The following AGO3 variants were observed in gnomAD, a reference collection of about 807,000 sequenced individuals.
AGO3 encodes the protein argonaute RISC catalytic component 3, also known as protein argonaute-3.
Under a neutral mutation model 105.5 loss-of-function variants are expected in AGO3, and 16 were observed. That is an observed-to-expected ratio of 0.15 (90% CI 0.10 to 0.23). The LOEUF is 0.23. AGO3 is among the 10% of genes least tolerant of loss of function. The pLI is 1.00. For missense variants in AGO3, 534 were observed against 1,088.0 expected (o/e 0.49, Z 7.16); for synonymous variants, 340 against 367.3 (o/e 0.93, Z 0.85).
At chr1:36,016,318 A>T (rs570346123) in intron 11 of AGO3, among the ~76,000 whole-genome samples, 31 of 152,092 alleles carry the variant, frequency 2.0e-4, no homozygotes, top group Non-Finnish European at 3.8e-4. Flanking sequence ...AGTATCTGGG[A>T]CTACAGGCCT....
chr1:35,975,542 T>G (rs1192121237), intron 5 of AGO3, among the ~76,000 whole-genome samples: 1 of 152,182 alleles, frequency 6.6e-6, no homozygotes, highest in East Asian at 1.9e-4. Context: ...TGTGATGTTT[T>G]TTTTGTTGTT....
At chr1:36,054,686 G>A (rs981500989) in intron 17 of AGO3, among the ~76,000 whole-genome samples, 4 of 152,144 alleles carry the variant, frequency 2.6e-5, no homozygotes, top group Non-Finnish European at 2.9e-5. Flanking sequence ...TTTGAGACCA[G>A]CCTGACCAAC....
At chr1:36,006,876 T>C (rs934035601) in intron 6 of AGO3, among the ~76,000 whole-genome samples, 3 of 152,246 alleles carry the variant, frequency 2.0e-5, no homozygotes, top group African/African-American at 7.2e-5. Flanking sequence ...ATATCATTTA[T>C]ATGATTGAGC....
rs993705154 is a variant in AGO3 at position 36,066,828 on chromosome 1, G to A, written c.*11083G>A. 2.0e-5 allele frequency: 3 copies of A among 152,164 alleles called. No homozygotes were observed. Among genetic ancestry groups the A allele is most frequent in the Admixed American group, 1.3e-4 (2 of 15,278 alleles). The allele number at this position is 152,164 out of a possible 1,614,324, so 9.4% of individuals were successfully genotyped here. On this transcript the variant is annotated 3_prime_UTR_variant, in exon 19 of 19. Coordinates refer to ENST00000373191, the MANE Select transcript of AGO3 (RefSeq NM_024852.4). ...GAATATATAGTGAGGGGGGATTTAGGATAAGGCTTCCTTGCTGGGATCCTT... is the reference window on the plus strand; with the variant it reads ...GAATATATAGTGAGGGGGGATTTAGAATAAGGCTTCCTTGCTGGGATCCTT...
chr1:35,946,274 G>T (rs549958593), intron 2 of AGO3, among the ~76,000 whole-genome samples: 1 of 152,028 alleles, frequency 6.6e-6, no homozygotes, highest in Non-Finnish European at 1.5e-5. Flanking sequence ...AGAAATACTG[G>T]TTTCATGCTT....
rs927122339 is a variant in AGO3, at chr1:36,039,515, A to G, written c.1843-275A>G. Among the ~76,000 whole-genome samples, 1,098 of 142,782 alleles carry G rather than the reference A, an allele frequency of 7.7e-3. 5 individuals carry two copies. The highest frequency in any genetic ancestry group is 0.012 in the Non-Finnish European group (780 of 66,796). The allele number at this position is 142,782 out of a possible 152,430, so 93.7% of individuals were successfully genotyped here. On this transcript the variant is annotated intron_variant, in intron 14 of 18. Transcript: ENST00000373191. ...CTCAAAAAAAAAAAAAAAAAAAAAA[A>G]AGAGAGAAAGAGAGAGAGATGGGGT...
At chr1:35,970,852 C>T (rs922566218) in intron 3 of AGO3, among the ~76,000 whole-genome samples, 1 of 151,484 alleles carries the variant, frequency 6.6e-6, no homozygotes, top group African/African-American at 2.4e-5. Flanking sequence ...GCCTCAGCCT[C>T]TCAAGCAGCT....
chr1:35,946,201 CT>C (rs1646361834), intron 2 of AGO3, among the ~76,000 whole-genome samples: 2 of 152,284 alleles, frequency 1.3e-5, no homozygotes, highest in South Asian at 4.1e-4. Context: ...CCTCACCTCT[CT>C]TATGTACCAC....
At chr1:35,977,622 G>A (rs1464558606) in intron 5 of AGO3, among the ~76,000 whole-genome samples, 1 of 151,912 alleles carries the variant, frequency 6.6e-6, no homozygotes, top group Non-Finnish European at 1.5e-5. Flanking sequence ...CAAACTCCTG[G>A]TCTCAAGAGA....
chr1:36,044,656 G>A (rs1393116927), intron 17 of AGO3, among the ~76,000 whole-genome samples: 1 of 152,014 alleles, frequency 6.6e-6, no homozygotes, highest in African/African-American at 2.4e-5. Context: ...TGGCCAGGCT[G>A]GTCTCAAACT....
intron 1 of AGO3, among the ~76,000 whole-genome samples, chr1:35,933,640 CAAAA>C (rs34254758): frequency 0.092 from 2,790 of 30,380 alleles, 8 homozygotes; most frequent in Non-Finnish European, 0.15. Context: ...GACCCTGTCT[CAAAA>C]AAAAAAAAAA....
In AGO3 at chr1:36,065,097, G is replaced by A. The variant is rs1018840419; in HGVS notation, c.*9352G>A. 3 of 151,654 alleles carry A rather than the reference G, an allele frequency of 2.0e-5. No individual in the cohort carries two copies. The highest frequency in any genetic ancestry group is 7.3e-5 in the African/African-American group (3 of 41,052). The allele number at this position is 151,654 out of a possible 1,614,324, so 9.4% of individuals were successfully genotyped here. ...CAGGAGAATGGCTTGAACCCAGGAG[G>A]CGGAGGTTGCAGTGAGCCAAGATCA... On this transcript the variant is annotated 3_prime_UTR_variant, in exon 19 of 19. Coordinates refer to ENST00000373191, the MANE Select transcript of AGO3 (RefSeq NM_024852.4).
intron 2 of AGO3, among the ~76,000 whole-genome samples, chr1:35,958,154 G>A (rs765687639): frequency 2.1e-4 from 32 of 152,072 alleles, no homozygotes; most frequent in Non-Finnish European, 4.0e-4. Context: ...AGGCCAAGGC[G>A]GGCGGATCAC....
At chr1:35,972,504 A>G (rs1386959316) in intron 4 of AGO3, among the ~76,000 whole-genome samples, 1 of 152,220 alleles carries the variant, frequency 6.6e-6, no homozygotes, top group Non-Finnish European at 1.5e-5. Context: ...TAAAAGTCTT[A>G]ACAGATCTAT....
intron 17 of AGO3, among the ~76,000 whole-genome samples, chr1:36,044,428 G>A (rs1642379413): frequency 6.6e-6 from 1 of 151,202 alleles, no homozygotes; most frequent in Non-Finnish European, 1.5e-5. Flanking sequence ...TTGTTTGTTT[G>A]TTTGTTTGTT....
At chr1:36,005,934 G>A in intron 6 of AGO3, 3 of 970,642 alleles carry the variant, frequency 3.1e-6, no homozygotes, top group Non-Finnish European at 3.7e-6. Context: ...GTTTGGGGAG[G>A]GACCTGGGCA....
intron 11 of AGO3, among the ~76,000 whole-genome samples, chr1:36,019,465 A>T (rs1027299474): frequency 2.6e-5 from 4 of 152,230 alleles, no homozygotes; most frequent in Non-Finnish European, 5.9e-5. Context: ...TGAGGCAAGT[A>T]TCTCTATCAC....
At position 36,055,125 on chromosome 1, in the gene AGO3, T is replaced by C; in HGVS notation, c.2454T>C (p.Leu818=). ...HLVAFRARYH[L]VDKEHDSAEG... is the part of the protein sequence containing the mutation. ...TAGCATTTAGAGCCAGATATCATCT[T>C]GTGGACAAAGAACATGACAGGTAAT... The change falls in exon 18 of 19, where the codon CTT becomes CTC. Residue 818 remains leucine, a synonymous_variant. Transcript: ENST00000373191. This position sits in a 1 kb window ranked among gnomAD's most constrained non-coding sequence, Gnocchi z 4.4. 1 of 1,608,174 alleles carries C rather than the reference T, an allele frequency of 6.2e-7. No homozygotes were observed.
At chr1:35,990,350 T>C (rs1243943273) in intron 5 of AGO3, among the ~76,000 whole-genome samples, 1 of 151,910 alleles carries the variant, frequency 6.6e-6, no homozygotes, top group East Asian at 1.9e-4. Flanking sequence ...CTACTAAAAA[T>C]ACAAAAAATT....
Sources: gnomAD v4.1 joint callset for allele counts (sites outside exome capture counted in the v4.1 genomes callset) on GRCh38, gnomAD v4.1.1 for gene constraint, Gnocchi (gnomAD v3.1) non-coding constraint, MANE v1.5 for transcripts, NCBI Gene and HGNC (gene_info 2026-07-23, HGNC 2026-07-21) for gene names.